Variants in FOXP4 observed in about 807,000 individuals in gnomAD.
FOXP4 encodes the protein forkhead box P4, also known as forkhead box protein P4.
In FOXP4, 25 loss-of-function variants were observed where a neutral mutation model predicts 82.6. That is an observed-to-expected ratio of 0.30 (90% CI 0.22 to 0.42). FOXP4 has a LOEUF of 0.42. FOXP4 is among the 10% of genes least tolerant of loss of function. FOXP4 has a pLI of 1.00. For synonymous variants in FOXP4, 415 were observed against 388.2 expected, an observed-to-expected ratio of 1.07 and a Z score of -0.81; for missense variants, 785 against 900.9, an observed-to-expected ratio of 0.87 and a Z score of 1.65.
At position 41,577,943 on chromosome 6, in the gene FOXP4, C is replaced by T. The variant is rs1236701077; in HGVS notation, c.205-43C>T. The T allele has an allele frequency of 4.0e-6, 6 of 1,494,842 alleles. No homozygotes were observed. In the South Asian group the frequency reaches 4.6e-5, roughly 11 times the overall value. The allele number at this position is 1,494,842 out of a possible 1,614,324, so 92.6% of individuals were successfully genotyped here. A position where few individuals can be genotyped will look rare whatever the true frequency, so the allele number is the denominator to read the frequency against. ...AACACTCCCTAATCCCTGGATCCCACCCAGCCTCCCAGGCCATTGCTGACT... is the reference window on the plus strand; with the variant it reads ...AACACTCCCTAATCCCTGGATCCCATCCAGCCTCCCAGGCCATTGCTGACT... On this transcript the variant is annotated intron_variant, in intron 2 of 16. Transcript: ENST00000307972.
chr6:41,553,698 G>A (rs1581699045), intron 1 of FOXP4, among the ~76,000 whole-genome samples: 1 of 152,356 alleles, frequency 6.6e-6, no homozygotes, highest in South Asian at 2.1e-4. Flanking sequence ...AGGGGAGGGA[G>A]GAAGAGCTGG....
intron 2 of FOXP4, among the ~76,000 whole-genome samples, chr6:41,571,646 T>TA (rs910539049): frequency 6.6e-6 from 1 of 152,166 alleles, no homozygotes; most frequent in Non-Finnish European, 1.5e-5. Flanking sequence ...GAGGTTGGTG[T>TA]AAAAAAATTT....
At chr6:41,553,823 A>G (rs373613902) in intron 1 of FOXP4, among the ~76,000 whole-genome samples, 3 of 152,338 alleles carry the variant, frequency 2.0e-5, no homozygotes, top group Admixed American at 6.5e-5. Flanking sequence ...GAACTGATCC[A>G]TTAAAACACA....
At chr6:41,576,338 C>G (rs567560063) in intron 2 of FOXP4, among the ~76,000 whole-genome samples, 3 of 152,130 alleles carry the variant, frequency 2.0e-5, no homozygotes, top group Admixed American at 6.6e-5. Context: ...TCAGGAGGCT[C>G]GGCTGTTTGC....
In FOXP4 at chr6:41,598,973, C is replaced by G; in HGVS notation, c.*37C>G. ...GACCGGCAGGGCTGGGGTGAGACCCCTCCCTTCCAGAATCCAGGCCCCATC... is the reference window on the plus strand; with the variant it reads ...GACCGGCAGGGCTGGGGTGAGACCCGTCCCTTCCAGAATCCAGGCCCCATC... On this transcript the variant is annotated 3_prime_UTR_variant, in exon 17 of 17. Coordinates refer to ENST00000307972, the MANE Select transcript of FOXP4 (RefSeq NM_001012426.2). 6.6e-7 allele frequency: 1 copy of G among 1,514,910 alleles called. No homozygotes were observed. The allele number at this position is 1,514,910 out of a possible 1,614,324, so 93.8% of individuals were successfully genotyped here.
Position 41,565,969 on chromosome 6 carries a change from G to C in FOXP4, c.204+5G>C, listed in dbSNP as rs1001906924. ...CTGCACTTCCAGCAGCAACAGGTAG[G>C]AACTGGTGCGCCTTGGGGTATCTGG... On this transcript the variant is annotated splice_donor_5th_base_variant and intron_variant, in intron 2 of 16. Transcript: ENST00000307972. The C allele has an allele frequency of 2.5e-6, 4 of 1,611,468 alleles. No individual in the cohort carries two copies. Among genetic ancestry groups the C allele is most frequent in the Non-Finnish European group, 3.4e-6 (4 of 1,178,702 alleles).
At chr6:41,559,678 G>A (rs1234817540) in intron 1 of FOXP4, among the ~76,000 whole-genome samples, 1 of 152,076 alleles carries the variant, frequency 6.6e-6, no homozygotes, top group South Asian at 2.1e-4. Context: ...TAGCTTAATG[G>A]GGCCCTAAAT....
chr6:41,550,038 T>C (rs1328718806), intron 1 of FOXP4, among the ~76,000 whole-genome samples: 1 of 152,182 alleles, frequency 6.6e-6, no homozygotes, highest in Admixed American at 6.5e-5. Context: ...CCAGCTTCCC[T>C]AGACCAAGGC....
intron 14 of FOXP4, among the ~76,000 whole-genome samples, chr6:41,596,413 A>G (rs976412457): frequency 6.6e-6 from 1 of 152,120 alleles, no homozygotes; most frequent in African/African-American, 2.4e-5. Context: ...CCCCTCAAAG[A>G]TGCCTGCTTA....
chr6:41,584,081 C>G (rs1352929557), intron 3 of FOXP4, among the ~76,000 whole-genome samples: 1 of 152,214 alleles, frequency 6.6e-6, no homozygotes, highest in African/African-American at 2.4e-5. Context: ...TCCCTGCCTG[C>G]CATTCTTCCC....
intron 1 of FOXP4, among the ~76,000 whole-genome samples, chr6:41,565,508 C>A (rs892119110): frequency 2.6e-5 from 4 of 152,188 alleles, no homozygotes; most frequent in African/African-American, 9.6e-5. Flanking sequence ...CACCCCAGCA[C>A]GAGGTCTCCT....
At chr6:41,551,367 G>T (rs1763988398) in intron 1 of FOXP4, among the ~76,000 whole-genome samples, 1 of 152,208 alleles carries the variant, frequency 6.6e-6, no homozygotes, top group East Asian at 1.9e-4. Flanking sequence ...TCCCTCTTGA[G>T]ATCAGGGTCT....
chr6:41,557,113 G>C (rs1022693183), intron 1 of FOXP4, among the ~76,000 whole-genome samples: 3 of 152,170 alleles, frequency 2.0e-5, no homozygotes, highest in African/African-American at 7.2e-5. Context: ...GCAGGTGAAG[G>C]CTCCCTACCC....
chr6:41,571,196 G>T (rs1765179693), intron 2 of FOXP4, among the ~76,000 whole-genome samples: 1 of 152,186 alleles, frequency 6.6e-6, no homozygotes, highest in Non-Finnish European at 1.5e-5. Flanking sequence ...CTGGAGGTCA[G>T]AGAGTTCCTT....
At chr6:41,551,822 T>C (rs148349989) in intron 1 of FOXP4, among the ~76,000 whole-genome samples, 129 of 152,232 alleles carry the variant, frequency 8.5e-4, no homozygotes, top group Middle Eastern at 3.4e-3. Context: ...AGTAGTTGTA[T>C]CCATCCTACG....
At position 41,578,012 on chromosome 6, in the gene FOXP4, G is replaced by T; in HGVS notation, c.231G>T (p.Leu77=). The T allele has an allele frequency of 4.3e-6, 7 of 1,613,046 alleles. No individual in the cohort carries two copies. The highest frequency in any genetic ancestry group is 5.9e-6 in the Non-Finnish European group (7 of 1,179,974). Residue 77 remains leucine, a synonymous_variant, in exon 3 of 17, where the codon CTG becomes CTT. Coordinates refer to ENST00000307972, the MANE Select transcript of FOXP4 (RefSeq NM_001012426.2). Reference sequence around the variant, plus strand: ...CTCTCCAAGTGGCCCGGCAGTTCCTGCTGCAGCAGGCCTCAGGCCTGAGCT... The same window carrying T: ...CTCTCCAAGTGGCCCGGCAGTTCCTTCTGCAGCAGGCCTCAGGCCTGAGCT... ...QQALQVARQF[L]LQQASGLSSP...
rs757995132 is a variant in FOXP4 at position 41,597,769 on chromosome 6, G to A, written c.1726-12G>A. The A allele has an allele frequency of 3.7e-6, 6 of 1,604,720 alleles. No individual in the cohort carries two copies. In the South Asian group the frequency reaches 5.5e-5, roughly 15 times the overall value. On this transcript the variant is annotated splice_polypyrimidine_tract_variant and intron_variant, in intron 15 of 16. Transcript: ENST00000307972. The stretch of plus-strand genomic sequence containing the variant: ...GGAGCCACTGACGAGGCCCAACCCT[G>A]TGCCCCTGCAGGCCGCCCTGGCCGA...
At chr6:41,575,908 C>A (rs955970425) in intron 2 of FOXP4, among the ~76,000 whole-genome samples, 1 of 152,108 alleles carries the variant, frequency 6.6e-6, no homozygotes, top group Non-Finnish European at 1.5e-5. Flanking sequence ...ACCCCTGTAC[C>A]CCCTCAACCC....
In FOXP4 at chr6:41,590,086, C is replaced by T; in HGVS notation, c.1273C>T (p.Pro425Ser). 6.2e-7 allele frequency: 1 copy of T among 1,613,848 alleles called. No homozygotes were observed. The highest frequency in any genetic ancestry group is 8.5e-7 in the Non-Finnish European group (1 of 1,179,940). ...AAAPVTPLRP[P>S]GLGSASLHGG... is the part of the protein sequence containing the mutation. ...AGCCCCTGTCACCCCTCTACGGCCC[C>T]CTGGCCTGGGCTCTGCCTCCCTGCA... The change falls in exon 11 of 17, where the codon CCT (proline) becomes TCT (serine). Residue 425 changes from proline (P) to serine (S), a missense_variant. By Grantham distance (74) the Pro-to-Ser change is moderately conservative. This residue lies in a region of FOXP4 where 570 missense variants were observed against 634.0 expected (regional missense o/e 0.90). Coordinates refer to ENST00000307972, the MANE Select transcript of FOXP4 (RefSeq NM_001012426.2).
Sources: gnomAD v4.1 joint callset for allele counts (sites outside exome capture counted in the v4.1 genomes callset) on GRCh38, gnomAD v4.1.1 for gene constraint, gnomAD v4.1.1 regional missense constraint, MANE v1.5 for transcripts, NCBI Gene and HGNC (gene_info 2026-07-23, HGNC 2026-07-21) for gene names.